The following ACYP2 variants were observed in gnomAD, a reference collection of about 807,000 sequenced individuals.
The protein encoded by ACYP2 is acylphosphatase 2, also known as acylphosphatase-2.
Under a neutral mutation model 11.2 loss-of-function variants are expected in ACYP2, and 12 were observed. That is an observed-to-expected ratio of 1.08 (90% CI 0.69 to 1.74). The LOEUF (loss-of-function observed/expected upper bound fraction) is 1.74. Among genes scored for constraint, ACYP2 ranks in the 40% most tolerant of loss-of-function variants. The pLI is 0.00. For synonymous variants in ACYP2, 43 were observed against 32.2 expected, an observed-to-expected ratio of 1.33 and a Z score of -1.13; for missense variants, 134 against 101.9, an observed-to-expected ratio of 1.31 and a Z score of -1.35.
chr2:53,998,638 G>A (rs1369392618), intron 2 of ACYP2, among the ~76,000 whole-genome samples: 1 of 151,948 alleles, frequency 6.6e-6, no homozygotes, highest in Non-Finnish European at 1.5e-5. Context: ...AACATAGGAA[G>A]ACCCCCAGTG....
At chr2:54,121,562 G>A (rs59755513) in intron 4 of ACYP2, among the ~76,000 whole-genome samples, 1,827 of 152,308 alleles carry the variant, frequency 0.012, 45 homozygotes, top group African/African-American at 0.042. Context: ...GGCTTTGTCA[G>A]ATAATGCATG....
intron 6 of ACYP2, among the ~76,000 whole-genome samples, chr2:54,291,434 T>C (rs1006475345): frequency 3.9e-5 from 6 of 152,222 alleles, no homozygotes; most frequent in African/African-American, 1.4e-4. Context: ...CATGAAGCTC[T>C]TGTTAACTGA....
At chr2:54,294,731 T>G (rs1285130227) in intron 6 of ACYP2, among the ~76,000 whole-genome samples, 1 of 151,496 alleles carries the variant, frequency 6.6e-6, no homozygotes, top group Non-Finnish European at 1.5e-5. Context: ...AGCAACATAG[T>G]GAGACCCCAT....
intron 4 of ACYP2, among the ~76,000 whole-genome samples, chr2:54,062,378 C>T (rs1425612030): frequency 6.6e-6 from 1 of 152,158 alleles, no homozygotes; most frequent in East Asian, 1.9e-4. Context: ...CCTCACATAC[C>T]AGCCATCTCT....
At chr2:54,038,297 C>T (rs1188676386) in intron 2 of ACYP2, among the ~76,000 whole-genome samples, 1 of 152,134 alleles carries the variant, frequency 6.6e-6, no homozygotes. Context: ...GCTTCTTTCA[C>T]CCTAAGGGTA....
intron 2 of ACYP2, among the ~76,000 whole-genome samples, chr2:54,019,713 G>A (rs575369029): frequency 4.3e-4 from 66 of 151,910 alleles, no homozygotes; most frequent in African/African-American, 1.4e-3. Context: ...TCTGCCTCCC[G>A]GGTTCAAGCG....
chr2:54,240,636 C>G (rs962014635), intron 6 of ACYP2, among the ~76,000 whole-genome samples: 1 of 152,180 alleles, frequency 6.6e-6, no homozygotes, highest in African/African-American at 2.4e-5. Context: ...ATACTTGTGA[C>G]AAGTTGAATT....
chr2:54,197,955 TTG>T (rs1684575443), intron 6 of ACYP2, among the ~76,000 whole-genome samples: 52 of 29,760 alleles, frequency 1.7e-3, no homozygotes, highest in Non-Finnish European at 2.8e-3. Context: ...TTGTATTGTA[TTG>T]TATTGTATTG....
chr2:54,142,275 G>A (rs184690040), intron 6 of ACYP2: 103 of 194,766 alleles, frequency 5.3e-4, no homozygotes, highest in African/African-American at 1.9e-3. Flanking sequence ...AATATGATAC[G>A]TATGTTAACA....
chr2:54,026,447 T>G (rs1042085523), intron 2 of ACYP2, among the ~76,000 whole-genome samples: 1 of 152,194 alleles, frequency 6.6e-6, no homozygotes, highest in Non-Finnish European at 1.5e-5. Flanking sequence ...GGAACACTTT[T>G]ACACTGCTGG....
intron 2 of ACYP2, among the ~76,000 whole-genome samples, chr2:53,974,370 G>C (rs1372720199): frequency 6.6e-6 from 1 of 152,216 alleles, no homozygotes; most frequent in Admixed American, 6.5e-5. Flanking sequence ...GGAAAGCAGG[G>C]AAGGAAGCAT....
chr2:54,149,998 C>T (rs145361344), intron 6 of ACYP2, among the ~76,000 whole-genome samples: 129 of 152,278 alleles, frequency 8.5e-4, no homozygotes, highest in African/African-American at 2.8e-3. Context: ...GGTGAATTTG[C>T]TGAATTTGCT....
chr2:54,065,146 T>C (rs1572678913), intron 4 of ACYP2, among the ~76,000 whole-genome samples: 2 of 152,110 alleles, frequency 1.3e-5, no homozygotes, highest in East Asian at 3.8e-4. Flanking sequence ...AAGGGATAGA[T>C]GATGTTGGCT....
At chr2:54,075,480 A>G (rs986380408) in intron 4 of ACYP2, among the ~76,000 whole-genome samples, 1 of 149,590 alleles carries the variant, frequency 6.7e-6, no homozygotes, top group African/African-American at 2.5e-5. Flanking sequence ...CCTGGGTGAC[A>G]GAGTGAGATT....
chr2:54,128,662 A>T (rs559306594), intron 4 of ACYP2, among the ~76,000 whole-genome samples: 1 of 152,084 alleles, frequency 6.6e-6, no homozygotes, highest in Non-Finnish European at 1.5e-5. Flanking sequence ...GTGAGACCCC[A>T]TCTCTTTAAA....
intron 2 of ACYP2, among the ~76,000 whole-genome samples, chr2:54,032,932 A>G (rs1487986124): frequency 6.6e-6 from 1 of 152,196 alleles, no homozygotes. Flanking sequence ...CCTGAATGAG[A>G]AGGAGTTAGT....
At chr2:54,213,194 G>C (rs1685403254) in intron 6 of ACYP2, among the ~76,000 whole-genome samples, 1 of 152,028 alleles carries the variant, frequency 6.6e-6, no homozygotes, top group Admixed American at 6.6e-5. Context: ...ATTGGTATTT[G>C]GTTTTCTGTT....
intron 4 of ACYP2, among the ~76,000 whole-genome samples, chr2:54,128,905 C>T (rs1680720422): frequency 1.3e-5 from 2 of 152,158 alleles, no homozygotes; most frequent in South Asian, 4.1e-4. Flanking sequence ...AGATCTTACC[C>T]ACTTGGTCTA....
intron 6 of ACYP2, among the ~76,000 whole-genome samples, chr2:54,161,556 A>C (rs1310237700): frequency 6.6e-6 from 1 of 152,230 alleles, no homozygotes; most frequent in Non-Finnish European, 1.5e-5. Context: ...TTTAAATTAT[A>C]TTAAAAACTT....
Sources: allele counts gnomAD v4.1 joint callset (sites outside exome capture counted in the v4.1 genomes callset), GRCh38; gene constraint gnomAD v4.1.1; transcripts MANE v1.5; gene names NCBI Gene and HGNC (gene_info 2026-07-23, HGNC 2026-07-21).